BSDC1: variants seen among roughly 807,000 people sequenced by gnomAD.
The protein encoded by BSDC1 is BSD domain-containing protein 1.
BSDC1 carries 29 observed loss-of-function variants against 56.0 expected under a neutral mutation model. That is an observed-to-expected ratio of 0.52 (90% CI 0.39 to 0.71). The LOEUF is 0.71. Among genes scored for constraint, BSDC1 ranks in the 30% least tolerant of loss-of-function variants. BSDC1 has a pLI of 0.00. For missense variants in BSDC1, 477 were observed against 548.5 expected, an observed-to-expected ratio of 0.87 and a Z score of 1.30; for synonymous variants, 210 against 215.3, an observed-to-expected ratio of 0.98 and a Z score of 0.21.
chr1:32,386,820 T>C lies in BSDC1; in HGVS notation c.148A>G (p.Thr50Ala). ...TQVVQHDTAC[T>A]IAATASVVKE... The stretch of plus-strand genomic sequence containing the variant: ...ACCACGCTGGCCGTGGCTGCGATGG[T>C]ACAGGCCGTGTCATGCTGCACCACC... The change falls in exon 3 of 11, where the codon ACC (threonine) becomes GCC (alanine). Residue 50 changes from threonine (T) to alanine (A), a missense_variant. By Grantham distance (58) the Thr-to-Ala change is moderately conservative. Transcript: ENST00000455895. 6.2e-7 allele frequency: 1 copy of C among 1,612,664 alleles called. No individual in the cohort carries two copies. The highest frequency in any genetic ancestry group is 1.1e-5 in the South Asian group (1 of 91,010).
intron 5 of BSDC1, among the ~76,000 whole-genome samples, chr1:32,380,570 C>T (rs1050339263): frequency 3.9e-5 from 6 of 152,190 alleles, no homozygotes; most frequent in East Asian, 1.9e-4. Context: ...TGCTAGAACC[C>T]GGGAGGCGGA....
chr1:32,368,157 C>A, intron 10 of BSDC1: 1 of 1,427,242 alleles, frequency 7.0e-7, no homozygotes, highest in Non-Finnish European at 9.1e-7. Flanking sequence ...CAGGTGTGAG[C>A]CACCGCGCTC....
At chr1:32,393,746 A>G (rs1034204054) in intron 2 of BSDC1, 12 of 341,482 alleles carry the variant, frequency 3.5e-5, no homozygotes, top group Admixed American at 1.8e-4. Context: ...TTACTGCTAG[A>G]ATCTTTTCCT....
rs1056858521 is a variant in BSDC1, at chr1:32,376,425, A to G, written c.993T>C (p.Pro331=). 1.9e-6 allele frequency: 3 copies of G among 1,613,494 alleles called. No individual in the cohort carries two copies. The highest frequency in any genetic ancestry group is 2.5e-6 in the Non-Finnish European group (3 of 1,179,584). ...VDVGETGPSP[P]IHSKPLTPAG... is the part of the protein sequence containing the mutation. ...CAGGCGTTAGGGGCTTGGAGTGAAT[A>G]GGGGGTGAGGGTCCAGTCTCACCCA... The change falls in exon 9 of 11, where the codon CCT becomes CCC. Residue 331 remains proline (P), a synonymous_variant. Coordinates refer to ENST00000455895, the MANE Select transcript of BSDC1 (RefSeq NM_018045.8).
intron 4 of BSDC1, among the ~76,000 whole-genome samples, chr1:32,381,475 C>G (rs1395109175): frequency 1.3e-5 from 2 of 152,180 alleles, no homozygotes; most frequent in Non-Finnish European, 2.9e-5. Flanking sequence ...AGAAAAATGG[C>G]CTTTCACCCA....
intron 4 of BSDC1, among the ~76,000 whole-genome samples, chr1:32,382,203 G>A (rs141489293): frequency 0.012 from 1,734 of 150,268 alleles, 27 homozygotes; most frequent in African/African-American, 0.04. Context: ...CTCCAGTCTG[G>A]GCGACAGAGA....
intron 9 of BSDC1, among the ~76,000 whole-genome samples, chr1:32,375,610 G>A (rs1461613772): frequency 1.3e-5 from 2 of 152,160 alleles, no homozygotes. Context: ...ATAAGAAACT[G>A]AAGCTCCATT....
At position 32,366,595 on chromosome 1, in the gene BSDC1, G is replaced by A. The variant is rs772659805; in HGVS notation, c.*27C>T. 7 of 1,515,580 alleles carry A rather than the reference G, an allele frequency of 4.6e-6. No individual in the cohort carries two copies. Among genetic ancestry groups the A allele is most frequent in the South Asian group, 3.7e-5 (3 of 80,690 alleles). The allele number at this position is 1,515,580 out of a possible 1,614,324, so 93.9% of individuals were successfully genotyped here. Reference sequence around the variant, plus strand: ...GCGAGGGAGGCGAGAGATGCCATGGGTGGGGGAGCTGCTCCCTCTGGCTCC... The same window carrying A: ...GCGAGGGAGGCGAGAGATGCCATGGATGGGGGAGCTGCTCCCTCTGGCTCC... On this transcript the variant is annotated 3_prime_UTR_variant, in exon 11 of 11. Transcript: ENST00000455895.
At chr1:32,380,792 C>T (rs1642455030) in intron 5 of BSDC1, among the ~76,000 whole-genome samples, 1 of 152,218 alleles carries the variant, frequency 6.6e-6, no homozygotes, top group African/African-American at 2.4e-5. Context: ...AGTATTTCTA[C>T]TTTATTGACT....
intron 10 of BSDC1, chr1:32,367,789 CCAT>C (rs1641906459): frequency 1.1e-6 from 1 of 901,952 alleles, no homozygotes; most frequent in African/African-American, 1.8e-5. Flanking sequence ...GTGCTGGTCA[CCAT>C]GTCTCAGGCA....
intron 8 of BSDC1, 108 bp downstream of exon 8, chr1:32,377,862 C>G (rs927701995): frequency 4.7e-6 from 5 of 1,069,366 alleles, no homozygotes; most frequent in Non-Finnish European, 6.8e-6. Context: ...TTGTTCCCTA[C>G]TCTTCCCTGA....
At chr1:32,392,107 G>A (rs867698427) in intron 2 of BSDC1, among the ~76,000 whole-genome samples, 23 of 152,148 alleles carry the variant, frequency 1.5e-4, no homozygotes, top group African/African-American at 5.3e-4. Context: ...CGAGGCAGGC[G>A]GATCACCTGA....
chr1:32,382,338 G>A (rs1199008261), intron 4 of BSDC1, among the ~76,000 whole-genome samples: 1 of 151,798 alleles, frequency 6.6e-6, no homozygotes, highest in East Asian at 1.9e-4. Context: ...GCGTGGTGAT[G>A]TGTGCCTATA....
In BSDC1 at chr1:32,378,267, G is replaced by C. The variant is rs770858246; in HGVS notation, c.545C>G (p.Ser182Cys). 6.2e-7 allele frequency: 1 copy of C among 1,614,204 alleles called. No homozygotes were observed. Among genetic ancestry groups the C allele is most frequent in the Non-Finnish European group, 8.5e-7 (1 of 1,180,022 alleles). Residue 182 changes from serine (S) to cysteine (C), a missense_variant, in exon 7 of 11, where the codon TCC becomes TGC. Ser to Cys is a moderately radical substitution (Grantham distance 112). Coordinates refer to ENST00000455895, the MANE Select transcript of BSDC1 (RefSeq NM_018045.8). The surrounding 1 kb of genome is among the most constrained non-coding windows in gnomAD (Gnocchi z 5.2). ...LYTKMVPAAV[S>C]HSEFWHRYFY... ...ATACCGATGCCAGAATTCTGAATGG[G>C]AAACAGCTGCTGGAACCTGGAGGGA... is the stretch of plus-strand genomic sequence containing the variant.
intron 8 of BSDC1, among the ~76,000 whole-genome samples, chr1:32,377,215 TAGTCA>T (rs1468997100): frequency 1.3e-5 from 2 of 152,152 alleles, no homozygotes; most frequent in African/African-American, 4.8e-5. Flanking sequence ...CAGTCCCTGC[TAGTCA>T]AAGTCCTGTT....
intron 9 of BSDC1, among the ~76,000 whole-genome samples, chr1:32,370,170 G>T (rs1044142405): frequency 6.6e-6 from 1 of 152,108 alleles, no homozygotes; most frequent in Admixed American, 6.5e-5. Flanking sequence ...TAGAAACGGG[G>T]TTTCACTATG....
Position 32,378,077 on chromosome 1 carries a change from G to A in BSDC1, c.598-29C>T. 1.3e-6 allele frequency: 2 copies of A among 1,599,208 alleles called. No individual in the cohort carries two copies. Among genetic ancestry groups the A allele is most frequent in the Non-Finnish European group, 8.5e-7 (1 of 1,171,392 alleles). On this transcript the variant is annotated intron_variant, in intron 7 of 10. Transcript: ENST00000455895. This position sits in a 1 kb window ranked among gnomAD's most constrained non-coding sequence, Gnocchi z 5.2. ...AATGTGGGGGAGCAGAAGGCCACAG[G>A]CAGTCAGGGCACCCTCTTCCTAGAC...
rs1468369201 is a variant in BSDC1, at chr1:32,366,327, A to G, written c.*295T>C. The G allele has an allele frequency of 4.9e-6, 3 of 607,830 alleles. No homozygotes were observed. The highest frequency in any genetic ancestry group is 9.1e-6 in the Non-Finnish European group (3 of 331,078). 37.7% of individuals were successfully genotyped at this position (607,830 alleles called of 1,614,324 possible). ...CTTCCCAGCAGGAGTCCTCAGGAAC[A>G]GTGGGTGTTCAGCAGAAAAACACAG... On this transcript the variant is annotated 3_prime_UTR_variant, in exon 11 of 11. Transcript: ENST00000455895.
chr1:32,369,560 C>G (rs1181871273), intron 9 of BSDC1, among the ~76,000 whole-genome samples: 1 of 152,172 alleles, frequency 6.6e-6, no homozygotes, highest in Admixed American at 6.5e-5. Flanking sequence ...CCTCTTCTTC[C>G]TCACTCCATT....
Sources: allele counts gnomAD v4.1 joint callset (sites outside exome capture counted in the v4.1 genomes callset), GRCh38; gene constraint gnomAD v4.1.1; non-coding constraint Gnocchi (gnomAD v3.1); transcripts MANE v1.5; gene names NCBI Gene and HGNC (gene_info 2026-07-23, HGNC 2026-07-21).